NDUFAF6: variants seen among roughly 807,000 people sequenced by gnomAD.
NDUFAF6 encodes NADH:ubiquinone oxidoreductase complex assembly factor 6, also known as NADH dehydrogenase (ubiquinone) complex I, assembly factor 6.
Under a neutral mutation model 40.8 loss-of-function variants are expected in NDUFAF6, and 45 were observed. That is an observed-to-expected ratio of 1.10 (90% CI 0.87 to 1.42). The LOEUF is 1.42. NDUFAF6 is among the 40% of genes most tolerant of loss of function. The pLI is 0.00. For missense variants in NDUFAF6, 435 were observed against 418.5 expected (o/e 1.04, Z -0.34); for synonymous variants, 185 against 155.9 (o/e 1.19, Z -1.39).
chr8:94,897,113 G>A (rs191067610), intron 1 of NDUFAF6, among the ~76,000 whole-genome samples: 3 of 152,328 alleles, frequency 2.0e-5, no homozygotes, highest in East Asian at 3.9e-4. Flanking sequence ...TCACCTGATC[G>A]TAAGCAGAAC....
chr8:94,984,342 A>G (rs1373825015), intron 2 of NDUFAF6, among the ~76,000 whole-genome samples: 1 of 152,212 alleles, frequency 6.6e-6, no homozygotes, highest in East Asian at 1.9e-4. Context: ...GGGAGGTGAA[A>G]TTAATTATTT....
chr8:95,074,213 AAAG>A (rs772572011), intron 9 of NDUFAF6, among the ~76,000 whole-genome samples: 2 of 151,772 alleles, frequency 1.3e-5, no homozygotes, highest in African/African-American at 2.4e-5. Context: ...AAGGTTTTAA[AAAG>A]AAGGAGAAAA....
chr8:94,954,625 G>A (rs1333675412), upstream of NDUFAF6, among the ~76,000 whole-genome samples: 1 of 152,008 alleles, frequency 6.6e-6, no homozygotes, highest in Non-Finnish European at 1.5e-5. Flanking sequence ...GGGCATAGAA[G>A]AGTGGTCCAG....
intron 8 of NDUFAF6, among the ~76,000 whole-genome samples, chr8:95,053,462 C>A (rs1178913091): frequency 6.6e-6 from 1 of 152,058 alleles, no homozygotes; most frequent in Non-Finnish European, 1.5e-5. Flanking sequence ...TTATTAACTT[C>A]TGTGGAAAAA....
chr8:95,093,178 G>T (rs16917318), intron 2 of NDUFAF6, among the ~76,000 whole-genome samples: 3,378 of 152,010 alleles, frequency 0.022, 124 homozygotes, highest in African/African-American at 0.078. Context: ...CGCCTTGGTG[G>T]ATTTGCATTC....
chr8:95,113,865 A>G (rs1810065619), intron 4 of NDUFAF6, among the ~76,000 whole-genome samples: 1 of 152,036 alleles, frequency 6.6e-6, no homozygotes, highest in Non-Finnish European at 1.5e-5. Flanking sequence ...AGGGACATGG[A>G]TGAAATTGGA....
chr8:94,966,204 A>C (rs1342744130), intron 1 of NDUFAF6, among the ~76,000 whole-genome samples: 1 of 152,140 alleles, frequency 6.6e-6, no homozygotes, highest in Admixed American at 6.6e-5. Context: ...TCACCTGGGG[A>C]GAGCATGCGG....
intron 4 of NDUFAF6, among the ~76,000 whole-genome samples, chr8:95,110,290 A>G (rs562651456): frequency 6.6e-6 from 1 of 152,366 alleles, no homozygotes; most frequent in Admixed American, 6.5e-5. Flanking sequence ...CTTTTTACCC[A>G]GCAACTGTCA....
intron 1 of NDUFAF6, among the ~76,000 whole-genome samples, chr8:94,935,227 T>C (rs900121019): frequency 5.3e-5 from 8 of 152,022 alleles, no homozygotes; most frequent in Middle Eastern, 3.2e-3. Flanking sequence ...ACACTAACAA[T>C]AGGGATATTC....
chr8:94,942,166 A>G (rs1248782805), intron 1 of NDUFAF6, among the ~76,000 whole-genome samples: 1 of 151,508 alleles, frequency 6.6e-6, no homozygotes, highest in African/African-American at 2.4e-5. Context: ...CCTCCCAAGT[A>G]GCTGGGACTA....
intron 1 of NDUFAF6, among the ~76,000 whole-genome samples, chr8:94,962,085 A>T (rs1823623688): frequency 6.6e-6 from 1 of 152,168 alleles, no homozygotes; most frequent in South Asian, 2.1e-4. Flanking sequence ...GGCCAATGAG[A>T]TGTCAGCAGA....
At chr8:95,010,793 G>A (rs1459192902) in intron 2 of NDUFAF6, among the ~76,000 whole-genome samples, 2 of 152,222 alleles carry the variant, frequency 1.3e-5, no homozygotes, top group African/African-American at 4.8e-5. Context: ...AGTGGTGCTG[G>A]TTGGGCTCTC....
At chr8:95,019,857 G>T (rs1476601870) in intron 2 of NDUFAF6, among the ~76,000 whole-genome samples, 4 of 152,140 alleles carry the variant, frequency 2.6e-5, no homozygotes, top group Non-Finnish European at 5.9e-5. Context: ...ATTGATAGAT[G>T]ACTTTCTTTC....
At chr8:94,991,426 T>C (rs951797964) in intron 2 of NDUFAF6, among the ~76,000 whole-genome samples, 1 of 152,206 alleles carries the variant, frequency 6.6e-6, no homozygotes, top group Non-Finnish European at 1.5e-5. Flanking sequence ...TCAGACTCCA[T>C]GTGCACCAGC....
intron 1 of NDUFAF6, among the ~76,000 whole-genome samples, chr8:94,931,137 A>G (rs1427976287): frequency 6.6e-6 from 1 of 152,250 alleles, no homozygotes; most frequent in Non-Finnish European, 1.5e-5. Flanking sequence ...AAAATATTTT[A>G]ATTCCCAAAT....
chr8:95,094,376 TTCCTTCTTTCTTTTCTTTTCTTTC>T (rs1809369679), intron 2 of NDUFAF6, among the ~76,000 whole-genome samples: 3 of 42,178 alleles, frequency 7.1e-5, no homozygotes, highest in African/African-American at 2.8e-4. Flanking sequence ...TTTCTTTTCT[TTCCTTCTTTCTTTTCTTTTCTTTC>T]TTTTTTTTTT....
At chr8:94,985,406 T>G (rs1022145882) in intron 2 of NDUFAF6, among the ~76,000 whole-genome samples, 5 of 142,206 alleles carry the variant, frequency 3.5e-5, no homozygotes, top group Admixed American at 7.2e-5. Flanking sequence ...ACTTAGGCCA[T>G]TTTGATTTGC....
chr8:95,116,867 A>G (rs925618290), downstream of NDUFAF6, among the ~76,000 whole-genome samples: 15 of 152,220 alleles, frequency 9.9e-5, no homozygotes, highest in African/African-American at 3.4e-4. Flanking sequence ...CAGGCTCTAG[A>G]TAAGGCTTGA....
chr8:95,063,552 G>A (rs543376241), downstream of NDUFAF6, among the ~76,000 whole-genome samples: 175 of 152,258 alleles, frequency 1.1e-3, 2 homozygotes, highest in Non-Finnish European at 2.0e-3. Flanking sequence ...AGCCGAGATC[G>A]CTCCACTGCC....
Sources: allele counts gnomAD v4.1 joint callset (sites outside exome capture counted in the v4.1 genomes callset), GRCh38; gene constraint gnomAD v4.1.1; transcripts MANE v1.5; gene names NCBI Gene and HGNC (gene_info 2026-07-23, HGNC 2026-07-21).